Variants in SLC1A6 observed in about 807,000 individuals in gnomAD.
SLC1A6 encodes the protein solute carrier family 1 member 6.
In SLC1A6, 15 loss-of-function variants were observed where a neutral mutation model predicts 42.1. The observed-to-expected ratio is 0.36, with a 90% CI of 0.24 to 0.55. The LOEUF (loss-of-function observed/expected upper bound fraction) is 0.55, where lower values mean the gene tolerates loss of function less well. Among genes scored for constraint, SLC1A6 ranks in the 20% least tolerant of loss-of-function variants. SLC1A6 has a pLI of 0.88. For synonymous variants in SLC1A6, 317 were observed against 319.7 expected, an observed-to-expected ratio of 0.99 and a Z score of 0.09; for missense variants, 542 against 772.5, an observed-to-expected ratio of 0.70 and a Z score of 3.54.
intron 6 of SLC1A6, among the ~76,000 whole-genome samples, chr19:14,961,135 G>T (rs1259314138): frequency 4.6e-5 from 7 of 151,438 alleles, no homozygotes; most frequent in Non-Finnish European, 1.0e-4. Context: ...TCAAATTCCT[G>T]GGCTCAAGTG....
upstream of SLC1A6, among the ~76,000 whole-genome samples, chr19:14,982,464 G>A (rs1443902761): frequency 6.6e-6 from 1 of 152,168 alleles, no homozygotes; most frequent in Non-Finnish European, 1.5e-5. Flanking sequence ...CGGAGGCAGA[G>A]TTTGCAGTGA....
At chr19:14,974,293 G>A (rs3827005) in intron 1 of SLC1A6, 109,140 of 151,560 alleles carry the variant, frequency 0.72, 39,576 homozygotes, top group African/African-American at 0.81. Flanking sequence ...GGAGGTGGAG[G>A]TTGCAGTGAA....
At chr19:14,966,090 C>T (rs1376103518) in intron 4 of SLC1A6, among the ~76,000 whole-genome samples, 1 of 152,126 alleles carries the variant, frequency 6.6e-6, no homozygotes. Context: ...ACAATGTACA[C>T]TACTAGTGGG....
intron 1 of SLC1A6, among the ~76,000 whole-genome samples, chr19:15,003,847 G>A (rs1208170644): frequency 1.3e-5 from 2 of 152,128 alleles, no homozygotes; most frequent in Admixed American, 6.6e-5. Flanking sequence ...TCTATAAAGT[G>A]TTCTTTATTA....
chr19:14,965,199 T>G (rs1392310282), intron 4 of SLC1A6, among the ~76,000 whole-genome samples: 4 of 151,954 alleles, frequency 2.6e-5, no homozygotes, highest in Non-Finnish European at 5.9e-5. Flanking sequence ...TTTTGTATTT[T>G]TAGTAGAGAC....
At chr19:14,958,979 G>A (rs564162718) in intron 6 of SLC1A6, among the ~76,000 whole-genome samples, 1 of 152,108 alleles carries the variant, frequency 6.6e-6, no homozygotes, top group East Asian at 1.9e-4. Context: ...TCTTGTTAAA[G>A]AATAAATCTT....
At chr19:14,991,139 A>G (rs1053360477) in intron 1 of SLC1A6, among the ~76,000 whole-genome samples, 10 of 152,180 alleles carry the variant, frequency 6.6e-5, no homozygotes, top group Non-Finnish European at 1.0e-4. Context: ...ATATAATTCT[A>G]TTTATATGAA....
intron 1 of SLC1A6, among the ~76,000 whole-genome samples, chr19:15,006,662 G>A (rs2045897062): frequency 6.6e-6 from 1 of 150,604 alleles, no homozygotes; most frequent in Admixed American, 6.7e-5. Context: ...GGTGGCTCAT[G>A]CCTGTAATCC....
intron 6 of SLC1A6, 173 bp downstream of exon 6, chr19:14,961,829 G>T: frequency 1.1e-6 from 1 of 916,260 alleles, no homozygotes; most frequent in Non-Finnish European, 1.6e-6. Context: ...AAGTCAACTA[G>T]TGATGAAATC....
At chr19:14,980,357 C>A (rs575057185), upstream of SLC1A6, 2 of 152,352 alleles carry the variant, frequency 1.3e-5, no homozygotes, top group East Asian at 3.9e-4. Context: ...TTATTCTTTG[C>A]TGTCTTTAGA....
intron 1 of SLC1A6, among the ~76,000 whole-genome samples, chr19:14,986,038 A>G (rs1305096066): frequency 6.6e-6 from 1 of 152,096 alleles, no homozygotes; most frequent in Non-Finnish European, 1.5e-5. Flanking sequence ...CTGTCTAAAA[A>G]TGGAATTCCA....
chr19:14,970,439 G>T (rs563065109), intron 3 of SLC1A6, among the ~76,000 whole-genome samples: 8 of 151,986 alleles, frequency 5.3e-5, no homozygotes, highest in Non-Finnish European at 8.8e-5. Context: ...TGGCCGGGCG[G>T]GGTGGCTCAC....
At position 14,962,158 on chromosome 19, in the gene SLC1A6, G is replaced by C. The variant is rs779007423; in HGVS notation, c.779C>G (p.Pro260Arg). 1 of 1,614,234 alleles carries C rather than the reference G, an allele frequency of 6.2e-7. No homozygotes were observed. The highest frequency in any genetic ancestry group is 8.5e-7 in the Non-Finnish European group (1 of 1,180,042). ...GGCGTTGATGCCATTGGCGGAGCCA[G>C]GCACGGGTACAGTCTCCTCAAAGCT... ...MLSFEETVPV[P>R]GSANGINALG... is the part of the protein sequence containing the mutation. Residue 260 changes from proline (P) to arginine (R), a missense_variant, in exon 6 of 10, where the codon CCT becomes CGT. Transcript: ENST00000594383.
At chr19:14,951,396 G>T (rs1350852246) in intron 9 of SLC1A6, among the ~76,000 whole-genome samples, 1 of 152,086 alleles carries the variant, frequency 6.6e-6, no homozygotes, top group Non-Finnish European at 1.5e-5. Context: ...GTGTAGACTA[G>T]GGCAGGCTGA....
At chr19:14,983,909 A>G (rs912851080), upstream of SLC1A6, among the ~76,000 whole-genome samples, 3 of 152,128 alleles carry the variant, frequency 2.0e-5, no homozygotes, top group African/African-American at 7.2e-5. Flanking sequence ...AATAAAACAA[A>G]GTATATATCA....
intron 1 of SLC1A6, among the ~76,000 whole-genome samples, chr19:14,975,846 A>AAAGGG (rs750451462): frequency 3.1e-5 from 3 of 97,466 alleles, no homozygotes; most frequent in Admixed American, 1.1e-4. Flanking sequence ...GGAAGGGGAC[A>AAAGGG]AAGGGAAGGG....
intron 8 of SLC1A6, 54 bp downstream of exon 8, chr19:14,954,081 G>T: frequency 1.2e-5 from 13 of 1,106,848 alleles, no homozygotes; most frequent in African/African-American, 1.6e-5. Flanking sequence ...TCCCAGCCAA[G>T]CTGATGACCG....
chr19:15,003,128 G>GCCACCACGCC (rs2045880117), intron 1 of SLC1A6, among the ~76,000 whole-genome samples: 1 of 152,096 alleles, frequency 6.6e-6, no homozygotes, highest in Admixed American at 6.6e-5. Flanking sequence ...ACAGGCATGT[G>GCCACCACGCC]CCACCACGCC....
intron 1 of SLC1A6, among the ~76,000 whole-genome samples, chr19:14,976,367 A>G (rs1043974162): frequency 2.0e-5 from 3 of 152,198 alleles, no homozygotes; most frequent in Admixed American, 6.5e-5. Flanking sequence ...TTATATCAAT[A>G]TCACATTTTC....
Sources: allele counts gnomAD v4.1 joint callset (sites outside exome capture counted in the v4.1 genomes callset), GRCh38; gene constraint gnomAD v4.1.1; transcripts MANE v1.5; gene names NCBI Gene and HGNC (gene_info 2026-07-23, HGNC 2026-07-21).